The following SORCS2 variants were observed in gnomAD, a reference collection of about 807,000 sequenced individuals.
SORCS2 encodes the protein sortilin related VPS10 domain containing receptor 2.
Under a neutral mutation model 141.6 loss-of-function variants are expected in SORCS2, and 100 were observed. That is an observed-to-expected ratio of 0.71 (90% CI 0.60 to 0.83). SORCS2 has a LOEUF of 0.83. Among genes scored for constraint, SORCS2 ranks in the 40% least tolerant of loss-of-function variants. The pLI, the probability that SORCS2 is intolerant of heterozygous loss-of-function variation, is 0.00. For missense variants in SORCS2, 1,646 were observed against 1,560.2 expected (o/e 1.05, Z -0.93); for synonymous variants, 789 against 676.9 (o/e 1.17, Z -2.57).
chr4:7,562,333 A>AG (rs1035389260), intron 3 of SORCS2, among the ~76,000 whole-genome samples: 10 of 152,010 alleles, frequency 6.6e-5, no homozygotes, highest in African/African-American at 2.4e-4. Flanking sequence ...GAGGCAAAAA[A>AG]AAGGTGGATG....
intron 1 of SORCS2, among the ~76,000 whole-genome samples, chr4:7,382,826 G>A (rs1006311552): frequency 1.1e-4 from 17 of 152,196 alleles, no homozygotes; most frequent in African/African-American, 3.9e-4. Flanking sequence ...AAACAGCTGC[G>A]GGGCCCACGC....
chr4:7,714,643 A>C (rs1172106464), intron 16 of SORCS2, among the ~76,000 whole-genome samples: 1 of 152,196 alleles, frequency 6.6e-6, no homozygotes, highest in Non-Finnish European at 1.5e-5. Flanking sequence ...GAAAGTGAGG[A>C]ACAGGTCAGG....
At chr4:7,212,475 C>T (rs1728111340) in intron 1 of SORCS2, among the ~76,000 whole-genome samples, 1 of 152,240 alleles carries the variant, frequency 6.6e-6, no homozygotes, top group African/African-American at 2.4e-5. Flanking sequence ...AGGGGGCTGG[C>T]TTCAGGCATG....
Position 7,678,179 on chromosome 4 carries a change from T to C in SORCS2, c.1341+1950T>C, listed in dbSNP as rs184888064. ...GCCTGGAGACACAGCACAGGGGCGGTTGGCCAGCCTGGGGCAGGAGTCAGG... is the reference window on the plus strand; with the variant it reads ...GCCTGGAGACACAGCACAGGGGCGGCTGGCCAGCCTGGGGCAGGAGTCAGG... On this transcript the variant is annotated intron_variant, in intron 9 of 26. Coordinates refer to ENST00000507866, the MANE Select transcript of SORCS2 (RefSeq NM_020777.3). 4.2e-3 allele frequency among the ~76,000 whole-genome samples: 641 copies of C among 152,224 alleles called. 5 individuals are homozygous for C. The highest frequency in any genetic ancestry group is 0.014 in the African/African-American group (599 of 41,542).
intron 9 of SORCS2, among the ~76,000 whole-genome samples, chr4:7,679,819 A>G (rs970278213): frequency 6.6e-6 from 1 of 151,026 alleles, no homozygotes; most frequent in Admixed American, 6.6e-5. Flanking sequence ...AGTTATGCAG[A>G]GACACACTGA....
intron 1 of SORCS2, among the ~76,000 whole-genome samples, chr4:7,372,060 C>T (rs1056221492): frequency 2.0e-5 from 3 of 152,088 alleles, no homozygotes; most frequent in Non-Finnish European, 4.4e-5. Context: ...ACAAGTGGGT[C>T]TTGGGATATT....
intron 1 of SORCS2, among the ~76,000 whole-genome samples, chr4:7,321,517 G>C (rs1718893080): frequency 6.6e-6 from 1 of 152,190 alleles, no homozygotes; most frequent in Non-Finnish European, 1.5e-5. Context: ...TCAATCCCGG[G>C]ACTCTTTCTG....
intron 2 of SORCS2, among the ~76,000 whole-genome samples, chr4:7,483,109 AG>A (rs1001256831): frequency 2.0e-5 from 3 of 152,098 alleles, no homozygotes; most frequent in African/African-American, 7.2e-5. Context: ...TCATGAGGTC[AG>A]GAGATCGAGA....
At chr4:7,496,639 T>C (rs950608634) in intron 2 of SORCS2, among the ~76,000 whole-genome samples, 1 of 150,848 alleles carries the variant, frequency 6.6e-6, no homozygotes, top group Admixed American at 6.6e-5. Context: ...GAAAGGAGAG[T>C]GGCCGGGAGA....
chr4:7,712,812 G>T lies in SORCS2; in HGVS notation c.1948G>T (p.Gly650Cys). Residue 650 changes from glycine (G) to cysteine (C), a missense_variant, in exon 15 of 27, where the codon GGC (glycine) becomes TGC (cysteine). By Grantham distance (159) the Gly-to-Cys change is radical. Transcript: ENST00000507866. ...CCGGCCCTCATTCTCCAGGCAGTGCGGCGAGGAGGACTACAGCTCCTGGGA... is the reference window on the plus strand; with the variant it reads ...CCGGCCCTCATTCTCCAGGCAGTGCTGCGAGGAGGACTACAGCTCCTGGGA... ...DFRPSFSRQC[G>C]EEDYSSWELS... 1 of 1,613,982 alleles carries T rather than the reference G, an allele frequency of 6.2e-7. No homozygotes were observed. Among genetic ancestry groups the T allele is most frequent in the Non-Finnish European group, 8.5e-7 (1 of 1,179,894 alleles).
At chr4:7,308,308 T>G (rs1239987577) in intron 1 of SORCS2, among the ~76,000 whole-genome samples, 2 of 151,652 alleles carry the variant, frequency 1.3e-5, no homozygotes, top group Non-Finnish European at 1.5e-5. Flanking sequence ...CCCCTGCCCC[T>G]TCTGCTGCTC....
intron 1 of SORCS2, among the ~76,000 whole-genome samples, chr4:7,252,649 C>T (rs768183196): frequency 3.3e-5 from 5 of 152,194 alleles, no homozygotes; most frequent in Non-Finnish European, 7.3e-5. Context: ...CCGTGCAATT[C>T]ATCACCCAAA....
At chr4:7,599,654 C>T (rs1717523680) in intron 3 of SORCS2, among the ~76,000 whole-genome samples, 1 of 152,108 alleles carries the variant, frequency 6.6e-6, no homozygotes, top group Non-Finnish European at 1.5e-5. Context: ...GTGATTCTGG[C>T]ACAGCGGGGG....
intron 1 of SORCS2, among the ~76,000 whole-genome samples, chr4:7,306,861 AG>A (rs1717870340): frequency 6.6e-6 from 1 of 152,198 alleles, no homozygotes; most frequent in Non-Finnish European, 1.5e-5. Context: ...GCAGGCAGGC[AG>A]CGTTGTGGGC....
At position 7,574,895 on chromosome 4, in the gene SORCS2, C is replaced by T. The variant is rs117785371; in HGVS notation, c.648+43266C>T. Reference sequence around the variant, plus strand: ...CTGTTAGCCCAGCTCCTCTTTACACCGCCCATTCTGCAGGGCAGAAAAGTC... The same window carrying T: ...CTGTTAGCCCAGCTCCTCTTTACACTGCCCATTCTGCAGGGCAGAAAAGTC... On this transcript the variant is annotated intron_variant, in intron 3 of 26. Transcript: ENST00000507866. Among the ~76,000 whole-genome samples, 127 of 152,340 alleles carry T rather than the reference C, an allele frequency of 8.3e-4. No homozygotes were observed. The East Asian group carries it at 0.01, about 12-fold the overall frequency.
At chr4:7,408,976 A>T (rs1259734856) in intron 2 of SORCS2, among the ~76,000 whole-genome samples, 1 of 140,202 alleles carries the variant, frequency 7.1e-6, no homozygotes, top group African/African-American at 2.5e-5. Flanking sequence ...AAATATCTGA[A>T]TTGCTTTTCT....
chr4:7,724,463 T>TAG (rs1726914935), intron 19 of SORCS2, among the ~76,000 whole-genome samples: 1 of 94,526 alleles, frequency 1.1e-5, no homozygotes, highest in East Asian at 3.7e-4. Flanking sequence ...GTGATGGTGG[T>TAG]GGTGATGGTG....
chr4:7,509,459 G>A (rs1009686701), intron 2 of SORCS2, among the ~76,000 whole-genome samples: 5 of 152,196 alleles, frequency 3.3e-5, no homozygotes, highest in African/African-American at 1.2e-4. Context: ...GGGCAGCAGG[G>A]GGATGACGGC....
intron 1 of SORCS2, among the ~76,000 whole-genome samples, chr4:7,295,302 C>T (rs1168355153): frequency 6.7e-6 from 1 of 149,560 alleles, no homozygotes; most frequent in Non-Finnish European, 1.5e-5. Context: ...CCTCTGAGCC[C>T]AGAAACATGG....
Sources: gnomAD v4.1 joint callset for allele counts (sites outside exome capture counted in the v4.1 genomes callset) on GRCh38, gnomAD v4.1.1 for gene constraint, MANE v1.5 for transcripts, NCBI Gene and HGNC (gene_info 2026-07-23, HGNC 2026-07-21) for gene names.